INSM2: variants seen among roughly 807,000 people sequenced by gnomAD.
INSM2 encodes the protein INSM transcriptional repressor 2.
A neutral mutation model predicts 30.5 loss-of-function variants in INSM2; 12 were observed. That is an observed-to-expected ratio of 0.39 (90% confidence interval 0.25 to 0.64). The LOEUF is 0.64. Among genes scored for constraint, INSM2 ranks in the 30% least tolerant of loss-of-function variants. INSM2 has a pLI of 0.47. For synonymous variants in INSM2, 418 were observed against 383.7 expected (o/e 1.09, Z -1.05); for missense variants, 773 against 819.2 (o/e 0.94, Z 0.69).
chr14:35,535,628 G>T lies in INSM2; in HGVS notation c.1376G>T (p.Gly459Val), dbSNP rs140515178. 6 of 1,613,010 alleles carry T rather than the reference G, an allele frequency of 3.7e-6. No individual in the cohort carries two copies. The African/African-American group carries it at 6.7e-5, about 18-fold the overall frequency. The change falls in exon 1 of 1, where the codon GGC (glycine) becomes GTC (valine). Residue 459 changes from glycine (G) to valine (V), a missense_variant. Coordinates refer to ENST00000307169, the MANE Select transcript of INSM2 (RefSeq NM_032594.4). ...EAGSARALAPGFGSERGAPLA... is the reference protein window; with the variant it reads ...EAGSARALAPVFGSERGAPLA... The stretch of plus-strand genomic sequence containing the variant: ...GGCTCGGCCCGTGCGCTAGCGCCGG[G>T]CTTTGGCTCCGAACGCGGTGCCCCA...
rs959180565 is a variant in INSM2, at chr14:35,536,975, G to A, written c.*1022G>A. On this transcript the variant is annotated 3_prime_UTR_variant, in exon 1 of 1. Coordinates refer to ENST00000307169, the MANE Select transcript of INSM2 (RefSeq NM_032594.4). Reference sequence around the variant, plus strand: ...GTACTAATTCCCTACTAGCCAGTTTGGGACATTGGCTGAGCACTGCCTGAC... The same window carrying A: ...GTACTAATTCCCTACTAGCCAGTTTAGGACATTGGCTGAGCACTGCCTGAC... The A allele has an allele frequency of 6.0e-6, 1 of 166,960 alleles. No individual in the cohort carries two copies. Among genetic ancestry groups the A allele is most frequent in the African/African-American group, 2.4e-5 (1 of 41,418 alleles). 10.3% of individuals were successfully genotyped at this position (166,960 alleles called of 1,614,324 possible).
At position 35,535,836 on chromosome 14, in the gene INSM2, G is replaced by A. The variant is rs770736750; in HGVS notation, c.1584G>A (p.Lys528=). 2.5e-6 allele frequency: 4 copies of A among 1,613,980 alleles called. No homozygotes were observed. The highest frequency in any genetic ancestry group is 2.2e-5 in the South Asian group (2 of 91,088). The change falls in exon 1 of 1, where the codon AAG becomes AAA. Residue 528 remains lysine (K), a synonymous_variant. Coordinates refer to ENST00000307169, the MANE Select transcript of INSM2 (RefSeq NM_032594.4). ...GTGCCCAGCAAATTTTCTCGTGCAA[G>A]CACTGCCCGTCCACTTTTTTTAGCT... ...DGSAQQIFSC[K]HCPSTFFSSP... is the part of the protein sequence containing the mutation.
In INSM2 at chr14:35,534,963, G is replaced by A. The variant is rs2053585577; in HGVS notation, c.711G>A (p.Leu237=). 1.3e-6 allele frequency: 2 copies of A among 1,569,530 alleles called. No individual in the cohort carries two copies. The highest frequency in any genetic ancestry group is 1.7e-6 in the Non-Finnish European group (2 of 1,161,116). The change falls in exon 1 of 1, where the codon CTG becomes CTA. Residue 237 remains leucine (L), a synonymous_variant. Coordinates refer to ENST00000307169, the MANE Select transcript of INSM2 (RefSeq NM_032594.4). ...FADEVTTSPV[L]GLKIKEEEPG... is the part of the protein sequence containing the mutation. ...ATGAGGTGACCACATCCCCTGTCCT[G>A]GGCCTGAAGATCAAGGAGGAGGAGC...
rs750592047 is a variant in INSM2 at position 35,534,855 on chromosome 14, C to A, written c.603C>A (p.Gly201=). ...LKRAAGGERR[G]KAPTDCASGP... Reference sequence around the variant, plus strand: ...GGGCGGCCGGCGGCGAGCGCCGCGGCAAGGCACCCACGGACTGCGCGTCTG... The same window carrying A: ...GGGCGGCCGGCGGCGAGCGCCGCGGAAAGGCACCCACGGACTGCGCGTCTG... The change falls in exon 1 of 1, where the codon GGC becomes GGA. Residue 201 remains glycine (G), a synonymous_variant. Coordinates refer to ENST00000307169, the MANE Select transcript of INSM2 (RefSeq NM_032594.4). The A allele has an allele frequency of 1.1e-5, 17 of 1,552,028 alleles. No homozygotes were observed. The highest frequency in any genetic ancestry group is 1.4e-5 in the African/African-American group (1 of 70,056).
rs764670293 is a variant in INSM2, at chr14:35,535,313, A to G, written c.1061A>G (p.Lys354Arg). The G allele has an allele frequency of 6.2e-6, 10 of 1,612,204 alleles. No individual in the cohort carries two copies. The highest frequency in any genetic ancestry group is 7.6e-6 in the Non-Finnish European group (9 of 1,179,506). Residue 354 changes from lysine to arginine, a missense_variant, in exon 1 of 1, where the codon AAG becomes AGG. By Grantham distance (26) the Lys-to-Arg change is conservative (BLOSUM62 2). Transcript: ENST00000307169. The part of the protein sequence containing the change: ...GAIASFLAEG[K>R]ENSRIERTAD... ...ATTGCATCTTTTCTGGCGGAGGGAAAGGAGAACAGCCGAATAGAGCGGACT... is the reference window on the plus strand; with the variant it reads ...ATTGCATCTTTTCTGGCGGAGGGAAGGGAGAACAGCCGAATAGAGCGGACT...
Position 35,535,908 on chromosome 14 carries a change from C to T in INSM2, c.1656C>T (p.Ser552=). ...RHINKCHPSE[S]RQVLLLQMPL... ...TCAATAAGTGCCACCCCTCAGAAAGCCGGCAAGTGCTGCTGCTGCAGATGC... is the reference window on the plus strand; with the variant it reads ...TCAATAAGTGCCACCCCTCAGAAAGTCGGCAAGTGCTGCTGCTGCAGATGC... Residue 552 remains serine, a synonymous_variant, in exon 1 of 1, where the codon AGC becomes AGT. Transcript: ENST00000307169. 2 of 1,612,730 alleles carry T rather than the reference C, an allele frequency of 1.2e-6. No homozygotes were observed. The highest frequency in any genetic ancestry group is 1.1e-5 in the South Asian group (1 of 90,912).
At position 35,535,648 on chromosome 14, in the gene INSM2, G is replaced by A; in HGVS notation, c.1396G>A (p.Ala466Thr). 6.2e-7 allele frequency: 1 copy of A among 1,613,170 alleles called. No individual in the cohort carries two copies. The highest frequency in any genetic ancestry group is 8.5e-7 in the Non-Finnish European group (1 of 1,180,020). The change falls in exon 1 of 1, where the codon GCC becomes ACC. Residue 466 changes from alanine to threonine, a missense_variant. Transcript: ENST00000307169. Reference protein sequence around the residue: ...LAPGFGSERGAPLAFACPLCG... With the variant: ...LAPGFGSERGTPLAFACPLCG... ...GCCGGGCTTTGGCTCCGAACGCGGT[G>A]CCCCACTTGCCTTCGCTTGCCCATT...
rs2053576597 is a variant in INSM2, at chr14:35,534,218, CT to C, written c.-32del. Reference sequence around the variant, plus strand: ...CGGCTCTCAGTCCCCGTGGCGCCCCCTTTCCTCTTGTCCCAGAGCGCTCTCG... The same window carrying C: ...CGGCTCTCAGTCCCCGTGGCGCCCCCTTCCTCTTGTCCCAGAGCGCTCTCG... On this transcript the variant is annotated 5_prime_UTR_variant, in exon 1 of 1. Coordinates refer to ENST00000307169, the MANE Select transcript of INSM2 (RefSeq NM_032594.4). 6.4e-7 allele frequency: 1 copy of C among 1,558,322 alleles called. No individual in the cohort carries two copies.
rs1219102930 is a variant in INSM2, at chr14:35,534,358, C to T, written c.106C>T (p.Pro36Ser). ...FPLLGPQGAP[P>S]FLEEAPSASL... is the part of the protein sequence containing the mutation. ...TCTGCTGGGGCCCCAGGGGGCGCCG[C>T]CCTTCTTGGAGGAGGCTCCCAGCGC... The change falls in exon 1 of 1, where the codon CCC becomes TCC. Residue 36 changes from proline (P) to serine (S), a missense_variant. Coordinates refer to ENST00000307169, the MANE Select transcript of INSM2 (RefSeq NM_032594.4). 1 of 1,575,176 alleles carries T rather than the reference C, an allele frequency of 6.3e-7. No individual in the cohort carries two copies. Among genetic ancestry groups the T allele is most frequent in the East Asian group, 2.5e-5 (1 of 40,388 alleles).
In INSM2 at chr14:35,536,113, A is replaced by G; in HGVS notation, c.*160A>G. 1 of 837,584 alleles carries G rather than the reference A, an allele frequency of 1.2e-6. No individual in the cohort carries two copies. The allele number at this position is 837,584 out of a possible 1,614,324, so 51.9% of individuals were successfully genotyped here. ...AGTCAATGTTCCACCAGAGGAGCGG[A>G]CAGTGAAATGTAATATCCCTCTCTA... On this transcript the variant is annotated 3_prime_UTR_variant, in exon 1 of 1. Coordinates refer to ENST00000307169, the MANE Select transcript of INSM2 (RefSeq NM_032594.4).
In INSM2 at chr14:35,535,642, C is replaced by G; in HGVS notation, c.1390C>G (p.Arg464Gly). 3 of 1,613,176 alleles carry G rather than the reference C, an allele frequency of 1.9e-6. No individual in the cohort carries two copies. The highest frequency in any genetic ancestry group is 2.5e-6 in the Non-Finnish European group (3 of 1,180,012). ...RALAPGFGSERGAPLAFACPL... is the reference protein window; with the variant it reads ...RALAPGFGSEGGAPLAFACPL... The stretch of plus-strand genomic sequence containing the variant: ...GCTAGCGCCGGGCTTTGGCTCCGAA[C>G]GCGGTGCCCCACTTGCCTTCGCTTG... Residue 464 changes from arginine (R) to glycine (G), a missense_variant, in exon 1 of 1, where the codon CGC becomes GGC. Physicochemically the swap from Arg to Gly is moderately radical, Grantham distance 125. Transcript: ENST00000307169.
chr14:35,535,642 C>A lies in INSM2; in HGVS notation c.1390C>A (p.Arg464Ser). ...RALAPGFGSE[R>S]GAPLAFACPL... ...GCTAGCGCCGGGCTTTGGCTCCGAA[C>A]GCGGTGCCCCACTTGCCTTCGCTTG... Residue 464 changes from arginine to serine, a missense_variant, in exon 1 of 1, where the codon CGC becomes AGC. Coordinates refer to ENST00000307169, the MANE Select transcript of INSM2 (RefSeq NM_032594.4). 6.2e-7 allele frequency: 1 copy of A among 1,613,176 alleles called. No individual in the cohort carries two copies.
Position 35,535,431 on chromosome 14 carries a change from A to C in INSM2, c.1179A>C (p.Pro393=). The change falls in exon 1 of 1, where the codon CCA becomes CCC. Residue 393 remains proline, a synonymous_variant. Coordinates refer to ENST00000307169, the MANE Select transcript of INSM2 (RefSeq NM_032594.4). The part of the protein sequence containing the change: ...PRQGLQVLTH[P]EPPLPQGPYT... ...AGGGCCTCCAGGTGCTGACGCATCC[A>C]GAGCCACCGCTGCCTCAGGGCCCCT... 1 of 1,612,276 alleles carries C rather than the reference A, an allele frequency of 6.2e-7. No individual in the cohort carries two copies. Among genetic ancestry groups the C allele is most frequent in the Non-Finnish European group, 8.5e-7 (1 of 1,179,538 alleles).
Position 35,535,102 on chromosome 14 carries a change from T to C in INSM2, c.850T>C (p.Ser284Pro). 6.2e-7 allele frequency: 1 copy of C among 1,604,570 alleles called. No homozygotes were observed. The highest frequency in any genetic ancestry group is 8.5e-7 in the Non-Finnish European group (1 of 1,174,962). Residue 284 changes from serine to proline, a missense_variant, in exon 1 of 1, where the codon TCC (serine) becomes CCC (proline). Coordinates refer to ENST00000307169, the MANE Select transcript of INSM2 (RefSeq NM_032594.4). ...DPFALAQHRC[S>P]RIVRVEYRCP... ...CTTCGCGCTGGCCCAGCACCGCTGC[T>C]CCCGCATCGTGCGCGTAGAGTACCG...
At position 35,534,504 on chromosome 14, in the gene INSM2, G is replaced by T. The variant is rs756318653; in HGVS notation, c.252G>T (p.Pro84=). 7.1e-6 allele frequency: 10 copies of T among 1,415,326 alleles called. No homozygotes were observed. The East Asian group carries it at 2.3e-4, about 33-fold the overall frequency. 87.7% of individuals were successfully genotyped at this position (1,415,326 alleles called of 1,614,324 possible). A position where few individuals can be genotyped will look rare whatever the true frequency, so the allele number is the denominator to read the frequency against. Residue 84 remains proline, a synonymous_variant, in exon 1 of 1, where the codon CCG becomes CCT. Coordinates refer to ENST00000307169, the MANE Select transcript of INSM2 (RefSeq NM_032594.4). ...GSPCRAAGVS[P]GTGGREGAEW... ...CATGTCGGGCGGCTGGGGTGAGCCCGGGGACGGGCGGGCGGGAAGGCGCGG... is the reference window on the plus strand; with the variant it reads ...CATGTCGGGCGGCTGGGGTGAGCCCTGGGACGGGCGGGCGGGAAGGCGCGG...
Position 35,534,191 on chromosome 14 carries a change from G to A in INSM2, c.-62G>A. On this transcript the variant is annotated 5_prime_UTR_variant, in exon 1 of 1. Coordinates refer to ENST00000307169, the MANE Select transcript of INSM2 (RefSeq NM_032594.4). Reference sequence around the variant, plus strand: ...CGAAGCTCTTCTAGTTCATCTGCTGGCCGGCTCTCAGTCCCCGTGGCGCCC... The same window carrying A: ...CGAAGCTCTTCTAGTTCATCTGCTGACCGGCTCTCAGTCCCCGTGGCGCCC... 1 of 1,535,726 alleles carries A rather than the reference G, an allele frequency of 6.5e-7. No homozygotes were observed. The highest frequency in any genetic ancestry group is 2.0e-5 in the Admixed American group (1 of 49,342).
rs769123084 is a variant in INSM2 at position 35,534,561 on chromosome 14, GCCCAGCCCCAGC to G, written c.321_332del (p.Ser109_Pro112del). 32 of 1,401,444 alleles carry G rather than the reference GCCCAGCCCCAGC, an allele frequency of 2.3e-5. No homozygotes were observed. Among genetic ancestry groups the G allele is most frequent in the Non-Finnish European group, 2.7e-5 (29 of 1,089,166 alleles). 86.8% of individuals were successfully genotyped at this position (1,401,444 alleles called of 1,614,324 possible). A position where few individuals can be genotyped will look rare whatever the true frequency, so the allele number is the denominator to read the frequency against. On this transcript the variant is annotated inframe_deletion, in exon 1 of 1. Coordinates refer to ENST00000307169, the MANE Select transcript of INSM2 (RefSeq NM_032594.4). ...GGGCGGGTGGCAGGGAAGGTCCCGG[GCCCAGCCCCAGC>G]CCCAGCCCCAGTCCAGCGAAGCCGG...
At position 35,535,198 on chromosome 14, in the gene INSM2, C is replaced by A; in HGVS notation, c.946C>A (p.Arg316Ser). 6.2e-7 allele frequency: 1 copy of A among 1,613,180 alleles called. No homozygotes were observed. The highest frequency in any genetic ancestry group is 8.5e-7 in the Non-Finnish European group (1 of 1,179,918). Residue 316 changes from arginine (R) to serine (S), a missense_variant, in exon 1 of 1, where the codon CGT (arginine) becomes AGT (serine). Transcript: ENST00000307169. ...CTCCCATCGCCGCTGGCATAAGCCG[C>A]GTCCTGCGGCTGCAAACGCCGCCAC... is the stretch of plus-strand genomic sequence containing the variant. ...LASHRRWHKP[R>S]PAAANAATVS...
chr14:35,535,785 G>T lies in INSM2; in HGVS notation c.1533G>T (p.Ser511=). 1 of 1,613,324 alleles carries T rather than the reference G, an allele frequency of 6.2e-7. No homozygotes were observed. The highest frequency in any genetic ancestry group is 8.5e-7 in the Non-Finnish European group (1 of 1,179,888). ...PALAGAPPET[S]GPSGPSDGSA... ...TGGCGGGGGCTCCTCCCGAAACGTC[G>T]GGCCCTAGCGGGCCATCTGACGGGA... Residue 511 remains serine (S), a synonymous_variant, in exon 1 of 1, where the codon TCG becomes TCT. Coordinates refer to ENST00000307169, the MANE Select transcript of INSM2 (RefSeq NM_032594.4).
Sources: allele counts gnomAD v4.1 joint callset, GRCh38; gene constraint gnomAD v4.1.1; transcripts MANE v1.5; gene names NCBI Gene and HGNC (gene_info 2026-07-23, HGNC 2026-07-21).